The following ATP8B1 variants were observed in gnomAD, a reference collection of about 807,000 sequenced individuals.
The protein encoded by ATP8B1 is ATPase phospholipid transporting 8B1.
A neutral mutation model predicts 149.9 loss-of-function variants in ATP8B1; 80 were observed. The observed-to-expected ratio is 0.53, with a 90% CI of 0.45 to 0.64. The LOEUF is 0.64. Among genes scored for constraint, ATP8B1 ranks in the 30% least tolerant of loss-of-function variants. The pLI, the probability that ATP8B1 is intolerant of heterozygous loss-of-function variation, is 0.00. For missense variants in ATP8B1, 1,247 were observed against 1,552.6 expected (o/e 0.80, Z 3.31); for synonymous variants, 536 against 562.8 (o/e 0.95, Z 0.67).
intron 1 of ATP8B1, among the ~76,000 whole-genome samples, chr18:57,757,984 C>T (rs529452589): frequency 6.6e-6 from 1 of 151,954 alleles, no homozygotes; most frequent in Non-Finnish European, 1.5e-5. Context: ...TCCCCTATCC[C>T]TATTATATAT....
chr18:57,802,419 G>C lies in ATP8B1; in HGVS notation c.-26+579C>G, dbSNP rs1346763799. Among the ~76,000 whole-genome samples, 1 of 152,134 alleles carries C rather than the reference G, an allele frequency of 6.6e-6. No individual in the cohort carries two copies. The highest frequency in any genetic ancestry group is 1.9e-4 in the East Asian group (1 of 5,164). On this transcript the variant is annotated intron_variant, in intron 1 of 27. Coordinates refer to ENST00000648908, the MANE Select transcript of ATP8B1 (RefSeq NM_001374385.1). The surrounding 1 kb of genome is among the most constrained non-coding windows in gnomAD (Gnocchi z 4.9). ...CTCCCCATCCCACAATAAAGCGCAC[G>C]GAAGATGTCTGGGAGTACCTGGCCC... is the stretch of plus-strand genomic sequence containing the variant.
At chr18:57,739,820 G>A (rs372449244) in intron 1 of ATP8B1, among the ~76,000 whole-genome samples, 13 of 152,264 alleles carry the variant, frequency 8.5e-5, no homozygotes, top group Non-Finnish European at 1.5e-4. Context: ...TACCATGTAC[G>A]CAAAACCAAA....
chr18:57,650,055 A>G (rs1909501097), intron 27 of ATP8B1, among the ~76,000 whole-genome samples: 2 of 151,548 alleles, frequency 1.3e-5, no homozygotes, highest in African/African-American at 4.9e-5. Context: ...TTAAATAAAG[A>G]AAAAAAACCC....
intron 1 of ATP8B1, among the ~76,000 whole-genome samples, chr18:57,772,519 A>G (rs1046808778): frequency 2.0e-5 from 3 of 152,144 alleles, no homozygotes; most frequent in Non-Finnish European, 4.4e-5. Context: ...GGAGACTGGA[A>G]AGCAGACTGA....
intron 1 of ATP8B1, among the ~76,000 whole-genome samples, chr18:57,794,714 G>A (rs1240489754): frequency 1.3e-5 from 2 of 152,032 alleles, no homozygotes; most frequent in African/African-American, 2.4e-5. Context: ...GAACCTGGGA[G>A]GCGGAGGTTG....
intron 15 of ATP8B1, among the ~76,000 whole-genome samples, chr18:57,678,618 T>C (rs1159735602): frequency 9.2e-6 from 1 of 109,148 alleles, no homozygotes; most frequent in African/African-American, 3.2e-5. Context: ...AAGAAAAGAG[T>C]GTGGTGTTGA....
At chr18:57,755,894 C>T (rs758714713) in intron 1 of ATP8B1, among the ~76,000 whole-genome samples, 2 of 152,042 alleles carry the variant, frequency 1.3e-5, no homozygotes, top group Non-Finnish European at 2.9e-5. Context: ...AGGGCTTGCA[C>T]GCGCCCAGAC....
Position 57,695,228 on chromosome 18 carries a change from A to G in ATP8B1, c.883T>C (p.Leu295=), listed in dbSNP as rs191090126. The G allele has an allele frequency of 6.2e-7, 1 of 1,614,186 alleles. No homozygotes were observed. Among genetic ancestry groups the G allele is most frequent in the Admixed American group, 1.7e-5 (1 of 60,022 alleles). Residue 295 remains leucine, a synonymous_variant, in exon 10 of 28, where the codon TTA becomes CTA. Transcript: ENST00000648908. The part of the protein sequence containing the change: ...SFPLDADKIL[L]RGCVIRNTDF... ...GTGTTCCTAATTACACAGCCACGTA[A>G]CAAAATTTTATCAGCATCCAAAGGA...
At chr18:57,746,466 A>G (rs950574934) in intron 1 of ATP8B1, among the ~76,000 whole-genome samples, 1 of 133,026 alleles carries the variant, frequency 7.5e-6, no homozygotes, top group Non-Finnish European at 1.6e-5. Context: ...ACTGATGCTT[A>G]CTTTTTTTTT....
intron 1 of ATP8B1, among the ~76,000 whole-genome samples, chr18:57,773,334 C>T (rs977517256): frequency 1.3e-5 from 2 of 151,952 alleles, no homozygotes; most frequent in Non-Finnish European, 2.9e-5. Context: ...GGGCCAAAGG[C>T]GGAGGCTAAT....
intron 3 of ATP8B1, among the ~76,000 whole-genome samples, chr18:57,705,192 C>T (rs965510811): frequency 1.1e-4 from 17 of 152,194 alleles, no homozygotes; most frequent in Admixed American, 9.8e-4. Context: ...TAACAAGAAA[C>T]AGACATCAGA....
intron 1 of ATP8B1, among the ~76,000 whole-genome samples, chr18:57,758,880 G>A (rs1306562166): frequency 2.0e-5 from 3 of 151,432 alleles, no homozygotes; most frequent in Non-Finnish European, 4.4e-5. Flanking sequence ...TCCATAGGCC[G>A]GGCATGGTAG....
At chr18:57,663,798 C>G (rs528025234) in intron 20 of ATP8B1, among the ~76,000 whole-genome samples, 7 of 137,666 alleles carry the variant, frequency 5.1e-5, no homozygotes, top group South Asian at 2.3e-4. Flanking sequence ...GGCAGAGTCT[C>G]GCTCTGTCAC....
At chr18:57,791,341 C>CTTTTTTTTTTTTT (rs1291043906) in intron 1 of ATP8B1, among the ~76,000 whole-genome samples, 1 of 139,466 alleles carries the variant, frequency 7.2e-6, no homozygotes, top group Non-Finnish European at 1.5e-5. Flanking sequence ...TTTTCTTTTT[C>CTTTTTTTTTTTTT]TTTTCTTTTC....
At chr18:57,661,539 T>TCCTTCACATAA in intron 21 of ATP8B1, 77 bp from the exon 22 acceptor site, 1 of 1,483,242 alleles carries the variant, frequency 6.7e-7, no homozygotes, top group Non-Finnish European at 9.2e-7. Flanking sequence ...ATTTAAATTA[T>TCCTTCACATAA]GTGAAGGATA....
Position 57,694,623 on chromosome 18 carries a change from T to C in ATP8B1, c.988A>G (p.Arg330Gly). Residue 330 changes from arginine (R) to glycine (G), a missense_variant, in exon 11 of 28, where the codon AGA becomes GGA. Transcript: ENST00000648908. Reference sequence around the variant, plus strand: ...TTCATCAAGTAATCAATTTTAGTTCTTTTAAATCTGGTTTTCCCACTATTC... The same window carrying C: ...TTCATCAAGTAATCAATTTTAGTTCCTTTAAATCTGGTTTTCCCACTATTC... ...MKNSGKTRFK[R>G]TKIDYLMNYM... 1 of 1,595,218 alleles carries C rather than the reference T, an allele frequency of 6.3e-7. No individual in the cohort carries two copies.
chr18:57,773,200 T>TA (rs530739448), intron 1 of ATP8B1, among the ~76,000 whole-genome samples: 36,455 of 125,346 alleles, frequency 0.29, 6,139 homozygotes, highest in African/African-American at 0.33. Context: ...AGACTCTGTC[T>TA]TAAAAAAAAA....
chr18:57,796,993 A>G (rs1296214699), intron 1 of ATP8B1, among the ~76,000 whole-genome samples: 3 of 152,212 alleles, frequency 2.0e-5, no homozygotes, highest in Non-Finnish European at 4.4e-5. Context: ...CATGCACAGA[A>G]ATCTCAGAGG....
At chr18:57,762,686 T>G (rs773461989) in intron 1 of ATP8B1, among the ~76,000 whole-genome samples, 2 of 152,190 alleles carry the variant, frequency 1.3e-5, no homozygotes, top group African/African-American at 2.4e-5. Flanking sequence ...ATATTTACAG[T>G]GAACAGTGGT....
Sources: gnomAD v4.1 joint callset for allele counts (sites outside exome capture counted in the v4.1 genomes callset) on GRCh38, gnomAD v4.1.1 for gene constraint, Gnocchi (gnomAD v3.1) non-coding constraint, MANE v1.5 for transcripts, NCBI Gene and HGNC (gene_info 2026-07-23, HGNC 2026-07-21) for gene names.